Variants in RAF1 observed in about 807,000 individuals in gnomAD.
RAF1 encodes RAF proto-oncogene serine/threonine-protein kinase.
A neutral mutation model predicts 81.1 loss-of-function variants in RAF1; 27 were observed. The ratio of observed to expected loss-of-function variants is 0.33; its 90% confidence interval spans 0.25 to 0.46. RAF1 has a LOEUF of 0.46. Ranked by LOEUF, RAF1 falls within the 20% of genes least tolerant of loss-of-function variation. RAF1 has a pLI of 1.00. For synonymous variants in RAF1, 298 were observed against 294.0 expected, an observed-to-expected ratio of 1.01 and a Z score of -0.14; for missense variants, 598 against 826.0, an observed-to-expected ratio of 0.72 and a Z score of 3.38.
chr3:12,631,776 A>G (rs11128607), intron 1 of RAF1, among the ~76,000 whole-genome samples: 35,095 of 152,084 alleles, frequency 0.23, 4,608 homozygotes, highest in African/African-American at 0.36. Flanking sequence ...CCATGTGTCT[A>G]GTATACAGAC....
chr3:12,611,666 CTCCAG>C (rs1161278431), intron 3 of RAF1, among the ~76,000 whole-genome samples: 1 of 152,134 alleles, frequency 6.6e-6, no homozygotes, highest in Non-Finnish European at 1.5e-5. Context: ...CGCCACTGCA[CTCCAG>C]CCTGGGCGAC....
At chr3:12,642,549 A>C (rs1357307643) in intron 1 of RAF1, among the ~76,000 whole-genome samples, 1 of 151,800 alleles carries the variant, frequency 6.6e-6, no homozygotes, top group Non-Finnish European at 1.5e-5. Context: ...AAACAGTAAG[A>C]TAAATAACAC....
intron 1 of RAF1, among the ~76,000 whole-genome samples, chr3:12,626,118 T>C (rs527547175): frequency 6.9e-4 from 105 of 151,358 alleles, no homozygotes; most frequent in Non-Finnish European, 1.2e-3. Context: ...ATACAAAAAA[T>C]TAGCCAAGCG....
chr3:12,596,194 CTT>C (rs10575214), intron 11 of RAF1, among the ~76,000 whole-genome samples: 40,419 of 117,376 alleles, frequency 0.34, 6,344 homozygotes, highest in African/African-American at 0.38. Context: ...ATTTTTCTTT[CTT>C]TTTTTTTTTT....
intron 4 of RAF1, 54 bp from the exon 5 acceptor site, chr3:12,608,977 G>A (rs2125417502): frequency 6.2e-7 from 1 of 1,603,444 alleles, no homozygotes; most frequent in African/African-American, 1.3e-5. Context: ...GATGACAAAA[G>A]ACAACTTCAT....
At chr3:12,593,786 CTTTTTTTTTTT>C (rs756831846) in intron 11 of RAF1, among the ~76,000 whole-genome samples, 1 of 111,284 alleles carries the variant, frequency 9.0e-6, no homozygotes, top group African/African-American at 3.2e-5. Flanking sequence ...GGAGTAAATC[CTTTTTTTTTTT>C]TTTTTTTTCT....
chr3:12,659,982 G>A (rs1056414000), intron 1 of RAF1, among the ~76,000 whole-genome samples: 1 of 152,088 alleles, frequency 6.6e-6, no homozygotes, highest in African/African-American at 2.4e-5. Context: ...ACATTTACTA[G>A]TAATAGACTA....
chr3:12,628,761 G>GGGC (rs1553618840), intron 1 of RAF1, among the ~76,000 whole-genome samples: 1 of 137,510 alleles, frequency 7.3e-6, no homozygotes, highest in Non-Finnish European at 1.6e-5. Flanking sequence ...TGGGGGGGGG[G>GGGC]GGTGGCGGGG....
chr3:12,622,361 T>C (rs1658444569), intron 1 of RAF1, among the ~76,000 whole-genome samples: 1 of 152,188 alleles, frequency 6.6e-6, no homozygotes, highest in South Asian at 2.1e-4. Flanking sequence ...ATTGTGTCAC[T>C]CCCGTTTTAA....
chr3:12,660,802 C>G (rs1249285436), intron 1 of RAF1, among the ~76,000 whole-genome samples: 1 of 152,020 alleles, frequency 6.6e-6, no homozygotes. Flanking sequence ...TGGTGAAATC[C>G]CGTCTCTACT....
At chr3:12,601,158 A>G (rs1282262567) in intron 8 of RAF1, among the ~76,000 whole-genome samples, 1 of 152,234 alleles carries the variant, frequency 6.6e-6, no homozygotes, top group Non-Finnish European at 1.5e-5. Flanking sequence ...CTAAAATCAC[A>G]GAAAGCTGGA....
intron 10 of RAF1, 78 bp downstream of exon 9, chr3:12,600,074 A>G (rs1018402662): frequency 6.3e-7 from 1 of 1,578,004 alleles, no homozygotes; most frequent in Non-Finnish European, 8.7e-7. Flanking sequence ...TCCCAAAATA[A>G]GTTTAAGTAT....
At chr3:12,604,596 G>A (rs773025390) in intron 6 of RAF1, among the ~76,000 whole-genome samples, 7 of 152,082 alleles carry the variant, frequency 4.6e-5, no homozygotes, top group Non-Finnish European at 1.0e-4. Context: ...AACATCTCCA[G>A]GAAAGAACAG....
At chr3:12,660,454 T>C (rs917573196) in intron 1 of RAF1, among the ~76,000 whole-genome samples, 1 of 151,916 alleles carries the variant, frequency 6.6e-6, no homozygotes, top group African/African-American at 2.4e-5. Flanking sequence ...TACTACACCA[T>C]ACCCTGCTGA....
At chr3:12,650,378 G>C (rs904077576) in intron 1 of RAF1, among the ~76,000 whole-genome samples, 7 of 152,066 alleles carry the variant, frequency 4.6e-5, no homozygotes, top group African/African-American at 1.4e-4. Context: ...AGAACTACAT[G>C]TATTTCCTAT....
At position 12,642,307 on chromosome 3, in the gene RAF1, C is replaced by A. The variant is rs558667850; in HGVS notation, c.-27+21506G>T. On this transcript the variant is annotated intron_variant, in intron 1 of 17. Transcript: ENST00000442415. ...CTACTAAAAATACAAAAAAAAAAAA[C>A]CCCAAAAAACAAAAAAACAAAAACA... Among the ~76,000 whole-genome samples the A allele has an allele frequency of 2.4e-3, 347 of 143,628 alleles. 1 individual carries two copies. The highest frequency in any genetic ancestry group is 6.9e-3 in the African/African-American group (256 of 37,220). 94.2% of individuals were successfully genotyped at this position (143,628 alleles called of 152,430 possible).
intron 1 of RAF1, among the ~76,000 whole-genome samples, chr3:12,632,451 A>G (rs2059894363): frequency 6.6e-6 from 1 of 152,070 alleles, no homozygotes. Context: ...AACCTGGAAA[A>G]GGAGGGTTGT....
At chr3:12,627,035 A>G (rs868615232) in intron 1 of RAF1, among the ~76,000 whole-genome samples, 44 of 151,226 alleles carry the variant, frequency 2.9e-4, no homozygotes, top group East Asian at 1.2e-3. Flanking sequence ...AAAAAAAAAA[A>G]AAAAGAAAAG....
intron 2 of RAF1, among the ~76,000 whole-genome samples, chr3:12,612,503 G>C (rs1245935875): frequency 2.0e-5 from 3 of 152,114 alleles, no homozygotes; most frequent in Admixed American, 2.0e-4. Flanking sequence ...ACAAAAATTA[G>C]CCGGGCATGG....
Sources: allele counts gnomAD v4.1 joint callset (sites outside exome capture counted in the v4.1 genomes callset), GRCh38; gene constraint gnomAD v4.1.1; transcripts MANE v1.5; gene names NCBI Gene and HGNC (gene_info 2026-07-23, HGNC 2026-07-21).